DENND5B: variants seen among roughly 807,000 people sequenced by gnomAD.
DENND5B encodes the protein DENN domain containing 5B.
In DENND5B, 34 loss-of-function variants were observed where a neutral mutation model predicts 140.6. The observed-to-expected ratio is 0.24, with a 90% CI of 0.18 to 0.32. The LOEUF is 0.32. Among genes scored for constraint, DENND5B ranks in the 10% least tolerant of loss-of-function variants. The pLI is 1.00. For missense variants in DENND5B, 1,142 were observed against 1,560.2 expected, an observed-to-expected ratio of 0.73 and a Z score of 4.52; for synonymous variants, 551 against 562.1, an observed-to-expected ratio of 0.98 and a Z score of 0.28.
intron 11 of DENND5B, among the ~76,000 whole-genome samples, chr12:31,422,323 G>A (rs1053034273): frequency 5.3e-5 from 8 of 151,720 alleles, no homozygotes; most frequent in African/African-American, 1.9e-4. Flanking sequence ...CCAGCTACTC[G>A]GGAGGCTGAG....
intron 11 of DENND5B, among the ~76,000 whole-genome samples, chr12:31,417,904 T>C (rs1018365320): frequency 6.6e-6 from 1 of 152,220 alleles, no homozygotes; most frequent in African/African-American, 2.4e-5. Flanking sequence ...TTTAGATTCA[T>C]TCTACTTTGG....
At chr12:31,435,919 C>A (rs909267883) in intron 7 of DENND5B, among the ~76,000 whole-genome samples, 1 of 152,122 alleles carries the variant, frequency 6.6e-6, no homozygotes, top group Admixed American at 6.6e-5. Context: ...ACCTCGGCCT[C>A]CCAAGTAGGT....
At chr12:31,566,996 A>G (rs1239158019) in intron 1 of DENND5B, among the ~76,000 whole-genome samples, 1 of 152,236 alleles carries the variant, frequency 6.6e-6, no homozygotes, top group African/African-American at 2.4e-5. Context: ...CAGACATTCA[A>G]ACTGGTAAGC....
At chr12:31,586,845 G>A (rs1380359026) in intron 1 of DENND5B, among the ~76,000 whole-genome samples, 1 of 152,182 alleles carries the variant, frequency 6.6e-6, no homozygotes, top group Non-Finnish European at 1.5e-5. Flanking sequence ...ATCAGCTCCA[G>A]CAAGGCAAAA....
intron 8 of DENND5B, 106 bp from the exon 9 acceptor site, chr12:31,426,530 G>A (rs759860387): frequency 2.3e-4 from 294 of 1,263,596 alleles, no homozygotes; most frequent in Non-Finnish European, 2.8e-4. Context: ...AAAAAAGTCC[G>A]TAAGTGTATG....
intron 9 of DENND5B, among the ~76,000 whole-genome samples, chr12:31,425,168 G>A (rs188801652): frequency 7.9e-4 from 120 of 152,214 alleles, no homozygotes; most frequent in African/African-American, 2.4e-3. Context: ...CAAGTTAGCC[G>A]GGCAGTAGTG....
chr12:31,448,509 T>A (rs528494875), intron 5 of DENND5B, among the ~76,000 whole-genome samples: 2 of 152,330 alleles, frequency 1.3e-5, no homozygotes, highest in East Asian at 3.9e-4. Flanking sequence ...AGTGAGATGA[T>A]TAACTGATAC....
chr12:31,536,655 A>AT (rs1456420958), intron 1 of DENND5B, among the ~76,000 whole-genome samples: 1 of 149,142 alleles, frequency 6.7e-6, no homozygotes, highest in Non-Finnish European at 1.5e-5. Context: ...TAGAAGATGT[A>AT]TTTAAAAAAA....
At chr12:31,433,403 G>A (rs1338089285) in intron 7 of DENND5B, among the ~76,000 whole-genome samples, 155 bp from the exon 8 acceptor site, 1 of 152,048 alleles carries the variant, frequency 6.6e-6, no homozygotes, top group Non-Finnish European at 1.5e-5. Flanking sequence ...ACCATACTAT[G>A]CACCCATTTA....
intron 1 of DENND5B, among the ~76,000 whole-genome samples, chr12:31,549,848 TC>T (rs1948981959): frequency 6.6e-6 from 1 of 152,102 alleles, no homozygotes. Flanking sequence ...GGCTCCCAGG[TC>T]CCAGTCTATC....
intron 3 of DENND5B, among the ~76,000 whole-genome samples, chr12:31,474,681 A>T (rs1174553978): frequency 6.6e-6 from 1 of 152,206 alleles, no homozygotes; most frequent in Non-Finnish European, 1.5e-5. Flanking sequence ...GCATAGCTTT[A>T]TCAGTGAGTA....
chr12:31,408,684 T>G (rs999929604), intron 14 of DENND5B, among the ~76,000 whole-genome samples: 15 of 148,894 alleles, frequency 1.0e-4, no homozygotes, highest in Admixed American at 4.7e-4. Flanking sequence ...CAAAGTTGAA[T>G]GATGTCCAAT....
chr12:31,524,372 G>C (rs183269536), intron 1 of DENND5B, among the ~76,000 whole-genome samples: 271 of 152,278 alleles, frequency 1.8e-3, no homozygotes, highest in Non-Finnish European at 2.9e-3. Flanking sequence ...GCCTGGTTGG[G>C]ACGGGCACGG....
Position 31,433,181 on chromosome 12 carries a change from C to T in DENND5B, c.2080G>A (p.Val694Ile). 1 of 1,613,986 alleles carries T rather than the reference C, an allele frequency of 6.2e-7. No homozygotes were observed. Among genetic ancestry groups the T allele is most frequent in the Non-Finnish European group, 8.5e-7 (1 of 1,179,888 alleles). ...TCCCTCAAGTCGTTGTCCAGCCCAA[C>T]ATGCTCAGAATGCTGGCGAAGGCGT... is the stretch of plus-strand genomic sequence containing the variant. ...KERLRQHSEHVGLDNDLREKY... is the reference protein window; with the variant it reads ...KERLRQHSEHIGLDNDLREKY... The change falls in exon 8 of 21, where the codon GTT becomes ATT. Residue 694 changes from valine to isoleucine, a missense_variant. By Grantham distance (29) the Val-to-Ile change is conservative. Around this residue, in one of 5 missense-constraint regions of DENND5B, gnomAD observed 708 missense variants for 905.5 expected, o/e 0.78. Transcript: ENST00000389082.
intron 8 of DENND5B, among the ~76,000 whole-genome samples, chr12:31,427,467 G>A (rs189245019): frequency 1.3e-5 from 2 of 151,918 alleles, no homozygotes; most frequent in Non-Finnish European, 2.9e-5. Context: ...TTAGCCACGC[G>A]TGGTGGTGGA....
chr12:31,418,153 G>A (rs1317689595), intron 11 of DENND5B, among the ~76,000 whole-genome samples: 1 of 152,128 alleles, frequency 6.6e-6, no homozygotes, highest in Non-Finnish European at 1.5e-5. Context: ...GATTTTGGGA[G>A]GGAGTTTCAA....
chr12:31,422,243 C>T (rs567248019), intron 11 of DENND5B, among the ~76,000 whole-genome samples: 1 of 135,752 alleles, frequency 7.4e-6, no homozygotes, highest in South Asian at 2.6e-4. Context: ...CACAGTGAAA[C>T]CCCGTCTCTA....
At chr12:31,400,837 G>GT (rs368442172) in intron 15 of DENND5B, among the ~76,000 whole-genome samples, 19,427 of 113,650 alleles carry the variant, frequency 0.17, 1,324 homozygotes, top group East Asian at 0.31. Context: ...AGAGCTACGA[G>GT]TTTTTTTTTT....
intron 8 of DENND5B, chr12:31,432,462 TC>T (rs2137830891): frequency 6.6e-6 from 1 of 152,210 alleles, no homozygotes; most frequent in Non-Finnish European, 1.5e-5. Flanking sequence ...TCTCTTTTGA[TC>T]ATAAGAAACG....
Sources: allele counts gnomAD v4.1 joint callset (sites outside exome capture counted in the v4.1 genomes callset), GRCh38; gene constraint gnomAD v4.1.1; regional missense constraint gnomAD v4.1.1; transcripts MANE v1.5; gene names NCBI Gene and HGNC (gene_info 2026-07-23, HGNC 2026-07-21).